The following TLN2 variants were observed in gnomAD, a reference collection of about 807,000 sequenced individuals.
TLN2 encodes the protein talin-2.
TLN2 carries 118 observed loss-of-function variants against 294.7 expected under a neutral mutation model. The observed-to-expected ratio is 0.40, with a 90% CI of 0.34 to 0.47. The LOEUF is 0.47. Among genes scored for constraint, TLN2 ranks in the 20% least tolerant of loss-of-function variants. The pLI is 0.84. For missense variants in TLN2, 3,083 were observed against 3,282.2 expected, an observed-to-expected ratio of 0.94 and a Z score of 1.48; for synonymous variants, 1,431 against 1,304.5, an observed-to-expected ratio of 1.10 and a Z score of -2.09.
chr15:62,440,522 G>A (rs759454640), intron 1 of TLN2, among the ~76,000 whole-genome samples: 9 of 152,198 alleles, frequency 5.9e-5, no homozygotes, highest in Non-Finnish European at 1.3e-4. Flanking sequence ...TAACCTAACG[G>A]GTGGGGTGGT....
At chr15:62,797,431 TC>T in intron 48 of TLN2, 29 bp downstream of exon 48, 1 of 1,553,364 alleles carries the variant, frequency 6.4e-7, no homozygotes. Flanking sequence ...GAGTGCGTCC[TC>T]CCGGTCTTCC....
intron 1 of TLN2, among the ~76,000 whole-genome samples, chr15:62,572,132 A>G (rs922939683): frequency 5.3e-5 from 8 of 152,166 alleles, no homozygotes; most frequent in African/African-American, 1.9e-4. Flanking sequence ...GACACTGGGC[A>G]TAGCACTTTC....
At chr15:62,414,164 C>CTATA (rs780803268) in intron 1 of TLN2, among the ~76,000 whole-genome samples, 7,699 of 90,526 alleles carry the variant, frequency 0.085, 913 homozygotes, top group Non-Finnish European at 0.11. Context: ...AAAAAAAAAA[C>CTATA]TATATATATA....
chr15:62,699,722 A>G (rs1032350865), intron 16 of TLN2, among the ~76,000 whole-genome samples: 9 of 152,236 alleles, frequency 5.9e-5, no homozygotes, highest in Admixed American at 5.2e-4. Context: ...TTGGGTGACC[A>G]TTAAAGTTTG....
chr15:62,429,499 C>T (rs1382572559), intron 1 of TLN2, among the ~76,000 whole-genome samples: 12 of 152,258 alleles, frequency 7.9e-5, no homozygotes, highest in African/African-American at 1.9e-4. Flanking sequence ...TTAGTTACCC[C>T]CTCTAATTTT....
At chr15:62,408,287 GC>G (rs1478928592) in intron 1 of TLN2, among the ~76,000 whole-genome samples, 2 of 152,174 alleles carry the variant, frequency 1.3e-5, no homozygotes, top group African/African-American at 4.8e-5. Context: ...TATAAAATGT[GC>G]TTGTATTAAC....
chr15:62,840,328 G>T (rs1230023405), intron 58 of TLN2, among the ~76,000 whole-genome samples, 154 bp from the exon 59 acceptor site: 1 of 152,084 alleles, frequency 6.6e-6, no homozygotes, highest in Non-Finnish European at 1.5e-5. Context: ...CCCAAACAGT[G>T]ACAGAGGCTG....
intron 3 of TLN2, among the ~76,000 whole-genome samples, chr15:62,642,802 A>G (rs2051295910): frequency 6.6e-6 from 1 of 151,788 alleles, no homozygotes; most frequent in African/African-American, 2.4e-5. Flanking sequence ...CCCGGGTTCA[A>G]GCGATTCTCC....
intron 1 of TLN2, among the ~76,000 whole-genome samples, chr15:62,464,668 A>G (rs564568450): frequency 6.6e-6 from 1 of 151,916 alleles, no homozygotes; most frequent in African/African-American, 2.4e-5. Flanking sequence ...CTTTTTTTGC[A>G]ATTAAATAAT....
Position 62,701,150 on chromosome 15 carries a change from C to T in TLN2, c.1632C>T (p.His544=), listed in dbSNP as rs769084433. ...AGAACAAAGTCGACGAATCCAAACA[C>T]GAAATCCATTCTCAAGTTGATGCTA... ...WVQNKVDESK[H]EIHSQVDAIT... is the part of the protein sequence containing the mutation. Residue 544 remains histidine, a synonymous_variant, in exon 17 of 59, where the codon CAC becomes CAT. Transcript: ENST00000636159. 1.3e-5 allele frequency: 21 copies of T among 1,613,962 alleles called. No homozygotes were observed. The highest frequency in any genetic ancestry group is 4.5e-5 in the East Asian group (2 of 44,886).
At chr15:62,465,471 C>T (rs942950588) in intron 1 of TLN2, among the ~76,000 whole-genome samples, 12 of 152,128 alleles carry the variant, frequency 7.9e-5, no homozygotes, top group African/African-American at 2.7e-4. Context: ...TTTTCCTGAA[C>T]GTGAACATTT....
At chr15:62,719,100 A>G (rs185681560) in intron 24 of TLN2, among the ~76,000 whole-genome samples, 1 of 152,292 alleles carries the variant, frequency 6.6e-6, no homozygotes, top group Non-Finnish European at 1.5e-5. Flanking sequence ...CCAGAGAAGG[A>G]GGTGCGGGCA....
At position 62,749,816 on chromosome 15, in the gene TLN2, A is replaced by G. The variant is rs571862846; in HGVS notation, c.4120-586A>G. Among the ~76,000 whole-genome samples, 3 of 152,366 alleles carry G rather than the reference A, an allele frequency of 2.0e-5. No individual in the cohort carries two copies. The East Asian group carries it at 5.8e-4, about 29-fold the overall frequency. On this transcript the variant is annotated intron_variant, in intron 33 of 58. Coordinates refer to ENST00000636159, the MANE Select transcript of TLN2 (RefSeq NM_015059.3). ...ATGGTTTTTGGTGGCTTAGAGACACAGAGCCAGGCCCTATACCCATGTATT... is the reference window on the plus strand; with the variant it reads ...ATGGTTTTTGGTGGCTTAGAGACACGGAGCCAGGCCCTATACCCATGTATT...
chr15:62,708,460 A>G, intron 20 of TLN2, 42 bp from the exon 21 acceptor site: 2 of 1,595,288 alleles, frequency 1.3e-6, no homozygotes, highest in Non-Finnish European at 1.7e-6. Context: ...AGGGACCAGG[A>G]TTCAACCACA....
intron 34 of TLN2, among the ~76,000 whole-genome samples, chr15:62,750,973 A>ATTGTTTTGTT (rs141785831): frequency 3.3e-5 from 5 of 151,946 alleles, no homozygotes; most frequent in African/African-American, 1.2e-4. Flanking sequence ...GGAGGGTGAA[A>ATTGTTTTGTT]TTGTTTTGTT....
At chr15:62,590,296 C>G (rs984264969) in intron 2 of TLN2, among the ~76,000 whole-genome samples, 22 of 152,176 alleles carry the variant, frequency 1.4e-4, no homozygotes, top group African/African-American at 5.3e-4. Context: ...TTTCCTGATC[C>G]TCTCCCTCTT....
chr15:62,668,101 G>T (rs971869871), intron 9 of TLN2, among the ~76,000 whole-genome samples: 1 of 152,142 alleles, frequency 6.6e-6, no homozygotes, highest in Non-Finnish European at 1.5e-5. Context: ...CAGTTACATA[G>T]CATAAATAAG....
chr15:62,712,459 T>G (rs1329429132), intron 22 of TLN2, among the ~76,000 whole-genome samples: 1 of 152,250 alleles, frequency 6.6e-6, no homozygotes, highest in Non-Finnish European at 1.5e-5. Context: ...ATTTGACTTC[T>G]CAACTATTAT....
chr15:62,434,470 C>T (rs945719205), intron 1 of TLN2, among the ~76,000 whole-genome samples: 1 of 151,968 alleles, frequency 6.6e-6, no homozygotes, highest in Non-Finnish European at 1.5e-5. Context: ...GATGTGTGTG[C>T]ACTCTTGTGC....
Sources: gnomAD v4.1 joint callset for allele counts (sites outside exome capture counted in the v4.1 genomes callset) on GRCh38, gnomAD v4.1.1 for gene constraint, MANE v1.5 for transcripts, NCBI Gene and HGNC (gene_info 2026-07-23, HGNC 2026-07-21) for gene names.